WWOX: variants seen among roughly 807,000 people sequenced by gnomAD.
WWOX encodes WW domain-containing oxidoreductase.
A neutral mutation model predicts 46.2 loss-of-function variants in WWOX; 69 were observed. The ratio of observed to expected loss-of-function variants is 1.49; its 90% CI spans 1.23 to 1.82. WWOX has a LOEUF of 1.82. WWOX is among the 40% of genes most tolerant of loss of function. WWOX has a pLI of 0.00. For missense variants in WWOX, 919 were observed against 542.6 expected (o/e 1.69, Z -6.89); for synonymous variants, 359 against 202.6 (o/e 1.77, Z -6.56).
rs189517607 is a variant in WWOX, at chr16:78,520,566, T to G, written c.1056+87814T>G. 4.6e-5 allele frequency among the ~76,000 whole-genome samples: 7 copies of G among 150,972 alleles called. No homozygotes were observed. In the East Asian group the frequency reaches 1.4e-3, roughly 30 times the overall value. ...TTGGATGCTCAGCACAGATTGGCAG[T>G]GGATGTCAGGATTGTCTGGTGGGAA... is the stretch of plus-strand genomic sequence containing the variant. On this transcript the variant is annotated intron_variant, in intron 8 of 8. Coordinates refer to ENST00000566780, the MANE Select transcript of WWOX (RefSeq NM_016373.4).
chr16:79,001,628 C>G (rs995982739), intron 8 of WWOX, among the ~76,000 whole-genome samples: 8 of 150,866 alleles, frequency 5.3e-5, no homozygotes, highest in Non-Finnish European at 7.4e-5. Flanking sequence ...ATGTAATAAA[C>G]TACTCTATAT....
intron 8 of WWOX, among the ~76,000 whole-genome samples, chr16:78,948,773 C>T (rs1345170636): frequency 6.6e-6 from 1 of 152,110 alleles, no homozygotes; most frequent in Admixed American, 6.5e-5. Context: ...CGTAACATGA[C>T]AAAAGGGACC....
At chr16:78,773,266 C>T (rs182824226) in intron 8 of WWOX, among the ~76,000 whole-genome samples, 1 of 152,120 alleles carries the variant, frequency 6.6e-6, no homozygotes, top group Non-Finnish European at 1.5e-5. Context: ...TTCCACACCC[C>T]ATGTTCCTTC....
chr16:79,087,553 G>C (rs1365557074), intron 8 of WWOX, among the ~76,000 whole-genome samples: 1 of 152,182 alleles, frequency 6.6e-6, no homozygotes, highest in South Asian at 2.1e-4. Context: ...ACAGGAGAAA[G>C]CCAGAGCAAG....
chr16:78,866,724 A>G (rs577727349), intron 8 of WWOX, among the ~76,000 whole-genome samples: 17 of 152,336 alleles, frequency 1.1e-4, no homozygotes, highest in South Asian at 4.1e-4. Flanking sequence ...GGACATTGGC[A>G]ATAAACCAGG....
intron 5 of WWOX, among the ~76,000 whole-genome samples, chr16:78,318,272 ATT>A (rs34730954): frequency 4.1e-4 from 51 of 123,502 alleles, no homozygotes; most frequent in Middle Eastern, 4.2e-3. Context: ...TCTGGGAGGA[ATT>A]TTTTTTTTTT....
At chr16:78,381,391 T>G (rs2081954485) in intron 5 of WWOX, among the ~76,000 whole-genome samples, 1 of 152,052 alleles carries the variant, frequency 6.6e-6, no homozygotes, top group East Asian at 1.9e-4. Flanking sequence ...TACTGATGAG[T>G]GCCACTATAT....
chr16:78,130,976 A>G (rs1418238147), intron 4 of WWOX, among the ~76,000 whole-genome samples: 1 of 152,254 alleles, frequency 6.6e-6, no homozygotes, highest in East Asian at 1.9e-4. Context: ...TGTATGGGAT[A>G]GCCTGTTGCT....
intron 5 of WWOX, among the ~76,000 whole-genome samples, chr16:78,341,492 T>C (rs1305406342): frequency 8.3e-6 from 1 of 121,074 alleles, no homozygotes; most frequent in African/African-American, 2.8e-5. Flanking sequence ...GTGAGTATTA[T>C]GTTTTATTTT....
chr16:78,145,498 AGT>A (rs2034167366), intron 4 of WWOX, among the ~76,000 whole-genome samples: 1 of 152,170 alleles, frequency 6.6e-6, no homozygotes, highest in Non-Finnish European at 1.5e-5. Context: ...AGACTCAGCA[AGT>A]GTGTTGTTCC....
chr16:78,735,650 C>A (rs746061544), intron 8 of WWOX, among the ~76,000 whole-genome samples: 1 of 152,230 alleles, frequency 6.6e-6, no homozygotes, highest in Non-Finnish European at 1.5e-5. Context: ...CCTCTCCCTG[C>A]TGCTGGCCTC....
At chr16:78,831,717 C>T (rs771630459) in intron 8 of WWOX, among the ~76,000 whole-genome samples, 1 of 152,172 alleles carries the variant, frequency 6.6e-6, no homozygotes, top group South Asian at 2.1e-4. Flanking sequence ...AAAGCATAAT[C>T]CCTGGTATTC....
intron 8 of WWOX, among the ~76,000 whole-genome samples, chr16:78,865,691 C>G (rs1302267265): frequency 6.6e-6 from 1 of 152,036 alleles, no homozygotes; most frequent in Non-Finnish European, 1.5e-5. Flanking sequence ...ACCAGCCTGG[C>G]CAACATGGTG....
intron 8 of WWOX, among the ~76,000 whole-genome samples, chr16:78,828,670 A>G (rs2051728628): frequency 6.6e-6 from 1 of 152,148 alleles, no homozygotes; most frequent in African/African-American, 2.4e-5. Flanking sequence ...TCTGACCTTT[A>G]TTAATTATGT....
intron 8 of WWOX, among the ~76,000 whole-genome samples, chr16:78,652,697 A>G (rs2046993824): frequency 6.6e-6 from 1 of 152,176 alleles, no homozygotes; most frequent in Non-Finnish European, 1.5e-5. Flanking sequence ...GGGCTGTGGA[A>G]AAGATGCCAA....
At chr16:78,725,334 C>CTTTTTTTTTTTTT (rs1567517488) in intron 8 of WWOX, among the ~76,000 whole-genome samples, 1 of 94,084 alleles carries the variant, frequency 1.1e-5, no homozygotes, top group Non-Finnish European at 2.1e-5. Flanking sequence ...TTTTTCTTTT[C>CTTTTTTTTTTTTT]TTTTCTTTTC....
intron 8 of WWOX, among the ~76,000 whole-genome samples, chr16:78,894,130 C>A (rs547801393): frequency 6.6e-6 from 1 of 151,520 alleles, no homozygotes; most frequent in African/African-American, 2.4e-5. Flanking sequence ...CCTTGACCTC[C>A]TGGGCTCAAG....
intron 8 of WWOX, among the ~76,000 whole-genome samples, chr16:78,459,241 G>C (rs1005390147): frequency 6.6e-6 from 1 of 152,300 alleles, no homozygotes; most frequent in East Asian, 1.9e-4. Context: ...AAAGACTGTC[G>C]TAAGTTCACA....
At chr16:78,737,434 G>A (rs2049117333) in intron 8 of WWOX, among the ~76,000 whole-genome samples, 1 of 152,032 alleles carries the variant, frequency 6.6e-6, no homozygotes, top group African/African-American at 2.4e-5. Flanking sequence ...ACAATGCCCA[G>A]CCTTATATAT....
Sources: allele counts gnomAD v4.1 joint callset (sites outside exome capture counted in the v4.1 genomes callset), GRCh38; gene constraint gnomAD v4.1.1; transcripts MANE v1.5; gene names NCBI Gene and HGNC (gene_info 2026-07-23, HGNC 2026-07-21).